The following KCNH8 variants were observed in gnomAD, a reference collection of about 807,000 sequenced individuals.
The protein encoded by KCNH8 is potassium voltage-gated channel subfamily H member 8.
In KCNH8, 70 loss-of-function variants were observed where a neutral mutation model predicts 103.6. The observed-to-expected ratio is 0.68, with a 90% CI of 0.56 to 0.82. The LOEUF (loss-of-function observed/expected upper bound fraction) is 0.82, where lower values mean the gene tolerates loss of function less well. Among genes scored for constraint, KCNH8 ranks in the 40% least tolerant of loss-of-function variants. The pLI, the probability that KCNH8 is intolerant of heterozygous loss-of-function variation, is 0.00. For missense variants in KCNH8, 1,217 were observed against 1,329.9 expected (o/e 0.92, Z 1.32); for synonymous variants, 498 against 489.4 (o/e 1.02, Z -0.23).
intron 11 of KCNH8, among the ~76,000 whole-genome samples, chr3:19,481,139 C>T (rs2068078406): frequency 6.6e-6 from 1 of 152,146 alleles, no homozygotes; most frequent in Non-Finnish European, 1.5e-5. Context: ...CCTCAATCTT[C>T]TTTATCTCTC....
intron 3 of KCNH8, among the ~76,000 whole-genome samples, chr3:19,291,053 G>A (rs2064915651): frequency 6.6e-6 from 1 of 152,182 alleles, no homozygotes; most frequent in East Asian, 1.9e-4. Context: ...AGTATTCTCT[G>A]ATGGTAGTTT....
At chr3:19,507,234 T>C (rs921103154) in intron 11 of KCNH8, among the ~76,000 whole-genome samples, 10 of 152,136 alleles carry the variant, frequency 6.6e-5, no homozygotes, top group African/African-American at 2.2e-4. Flanking sequence ...AGACTGTTTC[T>C]TCCCTATAGC....
chr3:19,399,721 G>C (rs1282585017), intron 7 of KCNH8, among the ~76,000 whole-genome samples: 1 of 151,866 alleles, frequency 6.6e-6, no homozygotes, highest in African/African-American at 2.4e-5. Context: ...GAAGCCCTCT[G>C]AAACTCCAGC....
At chr3:19,242,595 A>G (rs1322364722) in intron 1 of KCNH8, among the ~76,000 whole-genome samples, 1 of 152,190 alleles carries the variant, frequency 6.6e-6, no homozygotes, top group Non-Finnish European at 1.5e-5. Flanking sequence ...AATCAATTAT[A>G]TACTTATCTA....
chr3:19,375,686 T>G (rs1160389726), intron 5 of KCNH8, among the ~76,000 whole-genome samples: 7 of 152,130 alleles, frequency 4.6e-5, no homozygotes, highest in Admixed American at 3.9e-4. Context: ...GGCACTCTGG[T>G]TTTTAGAGTT....
At chr3:19,163,122 C>T (rs988925465) in intron 1 of KCNH8, among the ~76,000 whole-genome samples, 1 of 151,482 alleles carries the variant, frequency 6.6e-6, no homozygotes, top group Non-Finnish European at 1.5e-5. Context: ...AATAATGATA[C>T]TACATAGAGG....
At chr3:19,395,458 C>A in intron 7 of KCNH8, 147 bp downstream of exon 7, 1 of 555,104 alleles carries the variant, frequency 1.8e-6, no homozygotes, top group Non-Finnish European at 3.1e-6. Flanking sequence ...GAATCCATGA[C>A]ACAAGTAATT....
chr3:19,419,391 G>A (rs1183788349), intron 7 of KCNH8, among the ~76,000 whole-genome samples: 1 of 151,230 alleles, frequency 6.6e-6, no homozygotes, highest in African/African-American at 2.4e-5. Context: ...TAGTAGAGAC[G>A]GGGTTTCACC....
intron 4 of KCNH8, among the ~76,000 whole-genome samples, chr3:19,343,972 T>TAGAG (rs112230420): frequency 1.3e-5 from 2 of 149,834 alleles, no homozygotes; most frequent in Admixed American, 1.3e-4. Context: ...TGTACCACTG[T>TAGAG]GGTCACGCTT....
At chr3:19,290,747 T>G (rs1457892188) in intron 3 of KCNH8, among the ~76,000 whole-genome samples, 1 of 152,214 alleles carries the variant, frequency 6.6e-6, no homozygotes, top group African/African-American at 2.4e-5. Flanking sequence ...GGTATCAGGA[T>G]GATGCTGGCC....
At position 19,340,106 on chromosome 3, in the gene KCNH8, G is replaced by A. The variant is rs184996186; in HGVS notation, c.443-2481G>A. On this transcript the variant is annotated intron_variant, in intron 3 of 15. Transcript: ENST00000328405. ...AATACTTATTTCATAGGATATTTAT[G>A]AGGATCAATTTTAATAATAAATTTG... Among the ~76,000 whole-genome samples, 35 of 152,172 alleles carry A rather than the reference G, an allele frequency of 2.3e-4. No individual in the cohort carries two copies. In the East Asian group the frequency reaches 6.2e-3, roughly 27 times the overall value.
intron 5 of KCNH8, among the ~76,000 whole-genome samples, chr3:19,382,706 G>C (rs2066304600): frequency 6.6e-6 from 1 of 152,104 alleles, no homozygotes; most frequent in Admixed American, 6.5e-5. Flanking sequence ...CACCTACCCA[G>C]TGATCCACAA....
chr3:19,438,722 ACT>A (rs2067236478), intron 8 of KCNH8, among the ~76,000 whole-genome samples: 1 of 152,202 alleles, frequency 6.6e-6, no homozygotes, highest in African/African-American at 2.4e-5. Context: ...TGCCCTGCCC[ACT>A]AGGATATGTA....
intron 7 of KCNH8, among the ~76,000 whole-genome samples, chr3:19,401,043 C>G (rs1234596636): frequency 6.6e-6 from 1 of 151,956 alleles, no homozygotes; most frequent in East Asian, 1.9e-4. Flanking sequence ...AAAGTGGACA[C>G]TAGTGAAGGA....
intron 1 of KCNH8, among the ~76,000 whole-genome samples, chr3:19,209,266 C>G (rs1370401829): frequency 6.6e-6 from 1 of 152,010 alleles, no homozygotes; most frequent in African/African-American, 2.4e-5. Context: ...AATGATTGCC[C>G]TCACATGCAA....
chr3:19,487,769 G>C (rs2068240573), intron 11 of KCNH8, among the ~76,000 whole-genome samples: 1 of 152,184 alleles, frequency 6.6e-6, no homozygotes, highest in South Asian at 2.1e-4. Context: ...GCCCTGTCTT[G>C]TAAAGGAGAT....
intron 1 of KCNH8, among the ~76,000 whole-genome samples, chr3:19,174,311 A>G (rs2125196187): frequency 6.6e-6 from 1 of 152,322 alleles, no homozygotes; most frequent in East Asian, 1.9e-4. Context: ...ATATTTTCAA[A>G]TACATTTGAA....
At chr3:19,344,634 A>G (rs1407519668) in intron 4 of KCNH8, among the ~76,000 whole-genome samples, 1 of 152,074 alleles carries the variant, frequency 6.6e-6, no homozygotes, top group Non-Finnish European at 1.5e-5. Flanking sequence ...CAAGGATAAC[A>G]TAGTAGAATG....
intron 5 of KCNH8, among the ~76,000 whole-genome samples, chr3:19,354,580 A>T (rs1212416587): frequency 6.6e-6 from 1 of 152,184 alleles, no homozygotes; most frequent in East Asian, 1.9e-4. Flanking sequence ...AATACCACAC[A>T]TGTACAACCA....
Sources: allele counts gnomAD v4.1 joint callset (sites outside exome capture counted in the v4.1 genomes callset), GRCh38; gene constraint gnomAD v4.1.1; transcripts MANE v1.5; gene names NCBI Gene and HGNC (gene_info 2026-07-23, HGNC 2026-07-21).